The following HS6ST2 variants were observed in gnomAD, a reference collection of about 807,000 sequenced individuals.
HS6ST2 encodes heparan sulfate 6-O-sulfotransferase 2.
Under a neutral mutation model 33.0 loss-of-function variants are expected in HS6ST2, and 17 were observed. The ratio of observed to expected loss-of-function variants is 0.52; its 90% CI spans 0.35 to 0.77. HS6ST2 has a LOEUF of 0.77. Among genes scored for constraint, HS6ST2 ranks in the 30% least tolerant of loss-of-function variants. The pLI, the probability that HS6ST2 is intolerant of heterozygous loss-of-function variation, is 0.01. For synonymous variants in HS6ST2, 248 were observed against 237.1 expected (o/e 1.05, Z -0.42); for missense variants, 519 against 551.7 (o/e 0.94, Z 0.59).
chrX:132,815,844 G>A (rs2065389302), intron 2 of HS6ST2, among the ~76,000 whole-genome samples: 1 of 111,268 alleles, frequency 9.0e-6, no homozygotes, highest in Non-Finnish European at 1.9e-5. Flanking sequence ...TGAGTAATAG[G>A]GGGATGGGAA....
At position 132,692,872 on chromosome X, in the gene HS6ST2, T is replaced by C. The variant is rs763623137; in HGVS notation, c.980+15590A>G. Among the ~76,000 whole-genome samples the C allele has an allele frequency of 2.4e-4, 27 of 112,182 alleles. 1 individual carries two copies. In the South Asian group the frequency reaches 8.8e-3, roughly 36 times the overall value. On this transcript the variant is annotated intron_variant, in intron 3 of 4. Coordinates refer to ENST00000370833, the MANE Select transcript of HS6ST2 (RefSeq NM_001394073.1). ...GGATTGCAGGCTTTTTGAGGGCATA[T>C]GGACCATGTCTCATGTCCCTATTTC... is the stretch of plus-strand genomic sequence containing the variant.
intron 2 of HS6ST2, among the ~76,000 whole-genome samples, chrX:132,847,961 C>T (rs1004044803): frequency 8.9e-6 from 1 of 112,360 alleles, no homozygotes; most frequent in Non-Finnish European, 1.9e-5. Context: ...TGTTCTAATG[C>T]CGTGTCTTTG....
intron 2 of HS6ST2, among the ~76,000 whole-genome samples, chrX:132,855,914 C>T (rs2065848991): frequency 9.1e-6 from 1 of 110,197 alleles, no homozygotes. Context: ...AATTGCAATG[C>T]TCACAGTATC....
intron 3 of HS6ST2, among the ~76,000 whole-genome samples, chrX:132,680,205 A>T (rs1396110054): frequency 2.7e-5 from 3 of 110,722 alleles, no homozygotes; most frequent in Non-Finnish European, 5.7e-5. Context: ...AGAAATTATA[A>T]AAGTATTAAT....
chrX:132,935,622 T>G (rs181392871), intron 2 of HS6ST2, among the ~76,000 whole-genome samples: 112 of 111,817 alleles, frequency 1.0e-3, no homozygotes, highest in African/African-American at 3.6e-3. Flanking sequence ...AATCATACAA[T>G]GTATGTTCTC....
chrX:132,814,127 G>A (rs2065375239), intron 2 of HS6ST2, among the ~76,000 whole-genome samples: 1 of 110,630 alleles, frequency 9.0e-6, no homozygotes, highest in Non-Finnish European at 1.9e-5. Flanking sequence ...TGTATTTTTA[G>A]TAGAGACGGG....
In HS6ST2 at chrX:132,811,782, G is replaced by A. The variant is rs1213448693; in HGVS notation, c.948-103288C>T. ...ATGCAATGTGTATTAATCACATCAC[G>A]TAAAATGGGATATCTGTCCCCTCAT... is the stretch of plus-strand genomic sequence containing the variant. On this transcript the variant is annotated intron_variant, in intron 2 of 4. Coordinates refer to ENST00000370833, the MANE Select transcript of HS6ST2 (RefSeq NM_001394073.1). 1.3e-4 allele frequency among the ~76,000 whole-genome samples: 12 copies of A among 90,965 alleles called. No homozygotes were observed. The South Asian group carries it at 3.6e-3, about 27-fold the overall frequency. The allele number at this position is 90,965 out of a possible 115,157, so 79.0% of individuals were successfully genotyped here. A position where few individuals can be genotyped will look rare whatever the true frequency, so the allele number is the denominator to read the frequency against.
chrX:132,843,567 G>A (rs2065725300), intron 2 of HS6ST2, among the ~76,000 whole-genome samples: 1 of 111,548 alleles, frequency 9.0e-6, no homozygotes, highest in African/African-American at 3.3e-5. Flanking sequence ...GCAGCTTGGA[G>A]GAGGCTTTAG....
chrX:132,858,476 T>C (rs1471340435), intron 2 of HS6ST2, among the ~76,000 whole-genome samples: 1 of 111,939 alleles, frequency 8.9e-6, no homozygotes, highest in Non-Finnish European at 1.9e-5. Context: ...AAGTACTAGG[T>C]GGTGGGCAAG....
intron 2 of HS6ST2, among the ~76,000 whole-genome samples, chrX:132,711,155 A>C (rs1404375247): frequency 8.9e-6 from 1 of 112,012 alleles, no homozygotes; most frequent in East Asian, 2.8e-4. Context: ...GGAAGGCAAA[A>C]GATGAAAATG....
chrX:132,662,525 A>G (rs2148194770), intron 4 of HS6ST2, among the ~76,000 whole-genome samples: 1 of 112,190 alleles, frequency 8.9e-6, no homozygotes, highest in South Asian at 3.8e-4. Flanking sequence ...GCAGCAGCAC[A>G]TTGCCTCCCT....
intron 2 of HS6ST2, among the ~76,000 whole-genome samples, chrX:132,854,013 G>A (rs1237301595): frequency 9.0e-6 from 1 of 110,543 alleles, no homozygotes; most frequent in African/African-American, 3.3e-5. Flanking sequence ...TCCAGCTCAG[G>A]TGACAGTGAG....
chrX:132,958,655 A>G (rs2067120362), upstream of HS6ST2: 4 of 1,042,312 alleles, frequency 3.8e-6, no homozygotes, highest in Non-Finnish European at 2.5e-6. Flanking sequence ...GCTTGAATTT[A>G]TATAATAATG....
intron 2 of HS6ST2, among the ~76,000 whole-genome samples, chrX:132,748,264 T>C (rs1447509323): frequency 8.9e-6 from 1 of 112,463 alleles, no homozygotes; most frequent in African/African-American, 3.2e-5. Context: ...TTTCTTTCTT[T>C]CTTTTCATCT....
In HS6ST2 at chrX:132,958,237, C is replaced by A; in HGVS notation, c.366G>T (p.Leu122=). The part of the protein sequence containing the change: ...RALLTRGLAA[L]GHSLKHVLGA... ...CGAGCACGTGCTTCAGCGAGTGGCCCAGGGCGGCCAGGCCCCGAGTGAGCA... is the reference window on the plus strand; with the variant it reads ...CGAGCACGTGCTTCAGCGAGTGGCCAAGGGCGGCCAGGCCCCGAGTGAGCA... The change falls in exon 1 of 5, where the codon CTG becomes CTT. Residue 122 remains leucine, a synonymous_variant. Transcript: ENST00000370833. 1 of 1,180,238 alleles carries A rather than the reference C, an allele frequency of 8.5e-7. No individual in the cohort carries two copies. Among genetic ancestry groups the A allele is most frequent in the East Asian group, 3.0e-5 (1 of 33,138 alleles).
chrX:132,896,241 C>T (rs192373760), intron 2 of HS6ST2, among the ~76,000 whole-genome samples: 196 of 110,549 alleles, frequency 1.8e-3, no homozygotes, highest in East Asian at 0.015. Context: ...GAGGCGGAGG[C>T]GGGTGGATCA....
chrX:132,795,846 C>A (rs1602685784), intron 2 of HS6ST2, among the ~76,000 whole-genome samples: 1 of 111,628 alleles, frequency 9.0e-6, no homozygotes, highest in Admixed American at 9.5e-5. Flanking sequence ...AGGGCTCAAG[C>A]AATCCGCCCA....
intron 3 of HS6ST2, among the ~76,000 whole-genome samples, chrX:132,676,828 C>T (rs1251174511): frequency 3.6e-5 from 4 of 112,129 alleles, no homozygotes; most frequent in Non-Finnish European, 7.5e-5. Context: ...TGAAAGAGAA[C>T]AATCAGCTGT....
intron 2 of HS6ST2, among the ~76,000 whole-genome samples, chrX:132,927,178 C>T (rs990454016): frequency 1.8e-5 from 2 of 110,867 alleles, no homozygotes; most frequent in Non-Finnish European, 3.8e-5. Context: ...ATCTTTTACT[C>T]GCAGCATTCT....
Sources: allele counts gnomAD v4.1 joint callset (sites outside exome capture counted in the v4.1 genomes callset), GRCh38; gene constraint gnomAD v4.1.1; transcripts MANE v1.5; gene names NCBI Gene and HGNC (gene_info 2026-07-23, HGNC 2026-07-21).